The following ASCC3 variants were observed in gnomAD, a reference collection of about 807,000 sequenced individuals.
ASCC3 encodes ASC-1 complex subunit P200.
A neutral mutation model predicts 256.3 loss-of-function variants in ASCC3; 158 were observed. That is an observed-to-expected ratio of 0.62 (90% CI 0.54 to 0.70). ASCC3 has a LOEUF of 0.70. ASCC3 is among the 30% of genes least tolerant of loss of function. The probability of loss-of-function intolerance (pLI) is 0.00; values close to 1 mark genes in which losing one functional copy is unlikely to be tolerated. For synonymous variants in ASCC3, 948 were observed against 883.4 expected (o/e 1.07, Z -1.30); for missense variants, 2,259 against 2,626.0 (o/e 0.86, Z 3.05).
At chr6:100,537,445 G>A (rs920431519) in intron 37 of ASCC3, among the ~76,000 whole-genome samples, 4 of 152,080 alleles carry the variant, frequency 2.6e-5, no homozygotes, top group African/African-American at 9.7e-5. Context: ...ATTGGATCAT[G>A]GTACAGAGAG....
chr6:100,539,293 G>A (rs748841873), intron 37 of ASCC3, among the ~76,000 whole-genome samples: 1 of 152,054 alleles, frequency 6.6e-6, no homozygotes, highest in Non-Finnish European at 1.5e-5. Flanking sequence ...TAGCATTAAA[G>A]AATACCCACA....
intron 37 of ASCC3, among the ~76,000 whole-genome samples, chr6:100,535,210 G>A (rs184509145): frequency 2.6e-4 from 40 of 152,242 alleles, no homozygotes; most frequent in African/African-American, 8.9e-4. Flanking sequence ...GATGTCCCAT[G>A]AGAGAGGTAG....
At chr6:100,652,397 G>A (rs1775715814) in intron 18 of ASCC3, among the ~76,000 whole-genome samples, 1 of 152,086 alleles carries the variant, frequency 6.6e-6, no homozygotes, top group South Asian at 2.1e-4. Context: ...CAAATAGAAG[G>A]TTTATTTGGG....
At chr6:100,667,004 A>C (rs1237297635) in intron 14 of ASCC3, among the ~76,000 whole-genome samples, 1 of 152,216 alleles carries the variant, frequency 6.6e-6, no homozygotes, top group Non-Finnish European at 1.5e-5. Flanking sequence ...CTCATATACA[A>C]GTGATTTCTA....
At chr6:100,728,244 G>A (rs1326511491) in intron 10 of ASCC3, among the ~76,000 whole-genome samples, 1 of 151,858 alleles carries the variant, frequency 6.6e-6, no homozygotes, top group Non-Finnish European at 1.5e-5. Context: ...AAGAAGGGGG[G>A]AATGATAAAG....
chr6:100,830,577 G>C (rs1395675456), intron 4 of ASCC3, among the ~76,000 whole-genome samples: 2 of 152,114 alleles, frequency 1.3e-5, no homozygotes, highest in East Asian at 1.9e-4. Context: ...GGGGCTCCTG[G>C]AACAGATACA....
intron 14 of ASCC3, among the ~76,000 whole-genome samples, chr6:100,662,989 A>G (rs940024145): frequency 2.6e-5 from 4 of 152,056 alleles, no homozygotes; most frequent in Admixed American, 6.6e-5. Context: ...TTTTCTGAGT[A>G]TATTTTCCAA....
intron 36 of ASCC3, among the ~76,000 whole-genome samples, chr6:100,588,589 C>G (rs376440665): frequency 2.0e-4 from 30 of 152,194 alleles, no homozygotes; most frequent in African/African-American, 6.5e-4. Context: ...CTATTCTTTT[C>G]TACAGAGCAA....
At chr6:100,603,384 C>A (rs1206387921) in intron 33 of ASCC3, among the ~76,000 whole-genome samples, 1 of 151,898 alleles carries the variant, frequency 6.6e-6, no homozygotes, top group Non-Finnish European at 1.5e-5. Context: ...TCCCAGAAGC[C>A]CTCCTGTTGT....
At chr6:100,547,410 C>G (rs1051933893) in intron 36 of ASCC3, among the ~76,000 whole-genome samples, 1 of 151,596 alleles carries the variant, frequency 6.6e-6, no homozygotes, top group Non-Finnish European at 1.5e-5. Context: ...TGTTAAAATA[C>G]TAAAAATAAA....
At chr6:100,630,617 A>T (rs1411460163) in intron 26 of ASCC3, among the ~76,000 whole-genome samples, 1 of 151,984 alleles carries the variant, frequency 6.6e-6, no homozygotes, top group Non-Finnish European at 1.5e-5. Flanking sequence ...TCTACTGGAA[A>T]TTCGTTTCTC....
chr6:100,788,485 A>C (rs1769195474), intron 8 of ASCC3, among the ~76,000 whole-genome samples: 1 of 152,008 alleles, frequency 6.6e-6, no homozygotes, highest in Non-Finnish European at 1.5e-5. Context: ...GAAAACAAAA[A>C]TATATGTTCA....
intron 22 of ASCC3, 81 bp downstream of exon 22, chr6:100,646,534 T>C (rs1342388438): frequency 2.6e-5 from 36 of 1,410,354 alleles, no homozygotes; most frequent in Non-Finnish European, 3.3e-5. Flanking sequence ...GGATTTTCTA[T>C]ATGCCTTAGG....
intron 13 of ASCC3, among the ~76,000 whole-genome samples, chr6:100,684,841 C>CT (rs1777487820): frequency 7.8e-6 from 1 of 127,918 alleles, no homozygotes; most frequent in Admixed American, 9.2e-5. Context: ...GAGTCTCCCT[C>CT]TGTCACCCAG....
intron 8 of ASCC3, among the ~76,000 whole-genome samples, chr6:100,768,135 T>A (rs1326905680): frequency 6.6e-6 from 1 of 152,174 alleles, no homozygotes. Context: ...AACCTTTTTT[T>A]AAAACGCAGC....
chr6:100,751,651 T>C (rs1780947946), intron 10 of ASCC3, among the ~76,000 whole-genome samples: 2 of 152,162 alleles, frequency 1.3e-5, no homozygotes. Flanking sequence ...TGTGTTTGAT[T>C]ATAGGGAGCT....
At position 100,868,036 on chromosome 6, in the gene ASCC3, A is replaced by G; in HGVS notation, c.-39T>C. 6.9e-7 allele frequency: 1 copy of G among 1,440,832 alleles called. No homozygotes were observed. Among genetic ancestry groups the G allele is most frequent in the South Asian group, 1.2e-5 (1 of 86,734 alleles). The allele number at this position is 1,440,832 out of a possible 1,614,324, so 89.3% of individuals were successfully genotyped here. A position where few individuals can be genotyped will look rare whatever the true frequency, so the allele number is the denominator to read the frequency against. On this transcript the variant is annotated splice_region_variant and 5_prime_UTR_variant, in exon 2 of 42. Coordinates refer to ENST00000369162, the MANE Select transcript of ASCC3 (RefSeq NM_006828.4). The stretch of plus-strand genomic sequence containing the variant: ...AGTGATCCATACAGCAAGAAACCTG[A>G]AACTGAAACAAAACAAGATGATATT...
At chr6:100,606,010 A>G (rs118186074) in intron 32 of ASCC3, among the ~76,000 whole-genome samples, 2,342 of 152,136 alleles carry the variant, frequency 0.015, 24 homozygotes, top group East Asian at 0.045. Flanking sequence ...GCTGTTTAAT[A>G]GATATTATTT....
intron 37 of ASCC3, among the ~76,000 whole-genome samples, chr6:100,535,270 T>C (rs1447054481): frequency 6.6e-6 from 1 of 152,108 alleles, no homozygotes; most frequent in Non-Finnish European, 1.5e-5. Context: ...AACCAGTGCT[T>C]TCTAAGGCCA....
Sources: allele counts gnomAD v4.1 joint callset (sites outside exome capture counted in the v4.1 genomes callset), GRCh38; gene constraint gnomAD v4.1.1; transcripts MANE v1.5; gene names NCBI Gene and HGNC (gene_info 2026-07-23, HGNC 2026-07-21).